SPOCK1: variants seen among roughly 807,000 people sequenced by gnomAD.
SPOCK1 encodes the protein SPARC (osteonectin), cwcv and kazal like domains proteoglycan 1, also known as testican-1.
SPOCK1 carries 23 observed loss-of-function variants against 55.3 expected under a neutral mutation model. That is an observed-to-expected ratio of 0.42 (90% CI 0.30 to 0.59). The LOEUF (loss-of-function observed/expected upper bound fraction) is 0.59, where lower values mean the gene tolerates loss of function less well. Ranked by LOEUF, SPOCK1 falls within the 20% of genes least tolerant of loss-of-function variation. The pLI, the probability that SPOCK1 is intolerant of heterozygous loss-of-function variation, is 0.22. For missense variants in SPOCK1, 499 were observed against 552.5 expected (o/e 0.90, Z 0.97); for synonymous variants, 226 against 221.0 (o/e 1.02, Z -0.20).
intron 5 of SPOCK1, among the ~76,000 whole-genome samples, chr5:137,104,776 C>T (rs74923655): frequency 0.036 from 5,489 of 152,078 alleles, 207 homozygotes; most frequent in Admixed American, 0.12. Flanking sequence ...AAAACAAGCT[C>T]GGGGCTCCCG....
intron 2 of SPOCK1, among the ~76,000 whole-genome samples, chr5:137,444,052 T>C (rs74770519): frequency 0.018 from 2,770 of 152,312 alleles, 99 homozygotes; most frequent in African/African-American, 0.063. Context: ...ACAGTCATCC[T>C]ACCCATGAAG....
intron 3 of SPOCK1, among the ~76,000 whole-genome samples, chr5:137,238,156 G>C (rs1044471541): frequency 6.6e-6 from 1 of 152,154 alleles, no homozygotes; most frequent in African/African-American, 2.4e-5. Context: ...ACTAATATAT[G>C]TAAACCCAAG....
At chr5:137,284,941 G>A (rs1249042546) in intron 2 of SPOCK1, among the ~76,000 whole-genome samples, 1 of 152,182 alleles carries the variant, frequency 6.6e-6, no homozygotes, top group South Asian at 2.1e-4. Flanking sequence ...GCGGGCAGAG[G>A]ATAAAGCAGA....
At chr5:137,215,481 A>G (rs897376244) in intron 3 of SPOCK1, among the ~76,000 whole-genome samples, 7 of 152,246 alleles carry the variant, frequency 4.6e-5, no homozygotes, top group African/African-American at 1.7e-4. Flanking sequence ...AATGAGAATT[A>G]GAACAGTTGT....
chr5:136,982,952 A>AAGAT (rs936028311), intron 9 of SPOCK1, among the ~76,000 whole-genome samples: 4 of 152,182 alleles, frequency 2.6e-5, no homozygotes, highest in African/African-American at 9.7e-5. Flanking sequence ...TGGCACTTTG[A>AAGAT]AGATACTGAT....
intron 3 of SPOCK1, among the ~76,000 whole-genome samples, chr5:137,205,050 C>A (rs536311134): frequency 1.2e-3 from 187 of 152,286 alleles, no homozygotes; most frequent in African/African-American, 4.3e-3. Flanking sequence ...TTCCCTATCA[C>A]CGTACGCCAT....
At chr5:137,211,027 C>G (rs924802125) in intron 3 of SPOCK1, among the ~76,000 whole-genome samples, 2 of 152,174 alleles carry the variant, frequency 1.3e-5, no homozygotes, top group African/African-American at 4.8e-5. Flanking sequence ...GAGAGACAAG[C>G]TGGGGTCATA....
intron 5 of SPOCK1, among the ~76,000 whole-genome samples, chr5:137,101,083 TG>T (rs1356740635): frequency 6.6e-6 from 1 of 152,192 alleles, no homozygotes; most frequent in Non-Finnish European, 1.5e-5. Context: ...GGCGCTGAAA[TG>T]TTCTCTTGAA....
intron 2 of SPOCK1, among the ~76,000 whole-genome samples, chr5:137,328,525 C>G (rs1758117141): frequency 6.6e-6 from 1 of 152,192 alleles, no homozygotes; most frequent in Non-Finnish European, 1.5e-5. Flanking sequence ...AACGCCGTGC[C>G]AGGCCGACAG....
At chr5:137,116,399 C>T (rs374448448) in intron 4 of SPOCK1, among the ~76,000 whole-genome samples, 4 of 152,210 alleles carry the variant, frequency 2.6e-5, no homozygotes, top group Non-Finnish European at 5.9e-5. Flanking sequence ...AATCCCAGCA[C>T]TTTGGGAGGC....
intron 6 of SPOCK1, among the ~76,000 whole-genome samples, chr5:137,007,932 T>G (rs1254188134): frequency 6.6e-6 from 1 of 152,032 alleles, no homozygotes; most frequent in Non-Finnish European, 1.5e-5. Flanking sequence ...ATGTGGCTCA[T>G]ATACACCACA....
intron 2 of SPOCK1, among the ~76,000 whole-genome samples, chr5:137,426,111 T>A (rs1752605039): frequency 6.6e-6 from 1 of 152,238 alleles, no homozygotes; most frequent in Non-Finnish European, 1.5e-5. Context: ...AGGATTGCTA[T>A]AGTTTTTGCA....
At chr5:137,240,965 C>CA (rs1298019177) in intron 3 of SPOCK1, among the ~76,000 whole-genome samples, 2 of 151,846 alleles carry the variant, frequency 1.3e-5, no homozygotes, top group African/African-American at 4.8e-5. Flanking sequence ...AATCAGTGGA[C>CA]AAAAAAATGT....
At chr5:137,100,408 G>A (rs577666969) in intron 5 of SPOCK1, among the ~76,000 whole-genome samples, 79 of 152,324 alleles carry the variant, frequency 5.2e-4, no homozygotes, top group African/African-American at 1.9e-3. Context: ...GGCTGGACTA[G>A]ATAGCTTCCA....
chr5:137,305,961 T>G (rs1757695086), intron 2 of SPOCK1, among the ~76,000 whole-genome samples: 1 of 152,238 alleles, frequency 6.6e-6, no homozygotes, highest in Non-Finnish European at 1.5e-5. Flanking sequence ...CTCACCTTGT[T>G]CCAGGTAGCA....
intron 2 of SPOCK1, among the ~76,000 whole-genome samples, chr5:137,285,641 A>T (rs1757249550): frequency 6.6e-6 from 1 of 152,260 alleles, no homozygotes; most frequent in Non-Finnish European, 1.5e-5. Context: ...GTTTCTACTT[A>T]AAGACAGGAA....
chr5:137,196,592 T>C (rs1301921679), intron 3 of SPOCK1, among the ~76,000 whole-genome samples: 5 of 152,234 alleles, frequency 3.3e-5, no homozygotes, highest in Non-Finnish European at 7.3e-5. Context: ...TTTAGCTCCT[T>C]CAAGTCTCAG....
chr5:137,460,993 C>A (rs1016598014), intron 2 of SPOCK1, among the ~76,000 whole-genome samples: 5 of 152,180 alleles, frequency 3.3e-5, no homozygotes, highest in African/African-American at 1.2e-4. Context: ...ACATGTATCA[C>A]ATCTCCCTGT....
At chr5:137,094,160 G>T (rs1349778459) in intron 5 of SPOCK1, among the ~76,000 whole-genome samples, 1 of 152,178 alleles carries the variant, frequency 6.6e-6, no homozygotes, top group Non-Finnish European at 1.5e-5. Flanking sequence ...CTGAGTCACT[G>T]GGCACAGAAT....
Sources: allele counts gnomAD v4.1 joint callset (sites outside exome capture counted in the v4.1 genomes callset), GRCh38; gene constraint gnomAD v4.1.1; transcripts MANE v1.5; gene names NCBI Gene and HGNC (gene_info 2026-07-23, HGNC 2026-07-21).